FAM241A: variants seen among roughly 807,000 people sequenced by gnomAD.
FAM241A encodes the protein uncharacterized protein FAM241A.
In FAM241A, 7 loss-of-function variants were observed where a neutral mutation model predicts 12.2. The observed-to-expected ratio is 0.58, with a 90% CI of 0.33 to 1.08. The LOEUF is 1.08. Ranked by LOEUF, FAM241A falls within the 50% of genes least tolerant of loss-of-function variation. The pLI is 0.04. For synonymous variants in FAM241A, 74 were observed against 68.2 expected (o/e 1.08, Z -0.42); for missense variants, 161 against 169.7 (o/e 0.95, Z 0.29).
At chr4:112,145,962 G>T (rs796222010) in intron 1 of FAM241A, among the ~76,000 whole-genome samples, 60 of 152,126 alleles carry the variant, frequency 3.9e-4, no homozygotes, top group African/African-American at 1.3e-3. Context: ...CCGGGGTCGC[G>T]TGTCTGGCGG....
chr4:112,149,198 G>A (rs1392619659), intron 1 of FAM241A, among the ~76,000 whole-genome samples: 3 of 151,810 alleles, frequency 2.0e-5, no homozygotes, highest in Non-Finnish European at 4.4e-5. Flanking sequence ...TTGAGATAGG[G>A]TTTTGCTATG....
rs1338960116 is a variant in FAM241A, at chr4:112,194,586, T to C, written c.*7648T>C. On this transcript the variant is annotated 3_prime_UTR_variant, in exon 2 of 2. Transcript: ENST00000309733. ...GTTGTTGAATTTTGTCAAAGGCCTT[T>C]TCTGCATCTATTGAGATAATCATGT... The C allele has an allele frequency of 5.3e-5, 8 of 152,088 alleles. No homozygotes were observed. The allele number at this position is 152,088 out of a possible 1,614,324, so 9.4% of individuals were successfully genotyped here. A position where few individuals can be genotyped will look rare whatever the true frequency, so the allele number is the denominator to read the frequency against.
chr4:112,154,998 A>C (rs1723323607), intron 1 of FAM241A, among the ~76,000 whole-genome samples: 1 of 151,472 alleles, frequency 6.6e-6, no homozygotes, highest in Non-Finnish European at 1.5e-5. Context: ...CGCAAACTGC[A>C]CTCCAGCCTG....
At chr4:112,183,885 T>A (rs1395281891) in intron 1 of FAM241A, among the ~76,000 whole-genome samples, 4 of 152,008 alleles carry the variant, frequency 2.6e-5, no homozygotes, top group Admixed American at 6.6e-5. Context: ...AGGGTTTTTT[T>A]AAAATGTAGT....
intron 1 of FAM241A, among the ~76,000 whole-genome samples, chr4:112,162,649 G>A (rs1723499913): frequency 1.3e-5 from 2 of 152,158 alleles, no homozygotes; most frequent in East Asian, 1.9e-4. Context: ...ACTGCTCAAC[G>A]AAATAAAAGA....
chr4:112,178,451 A>G (rs1236126259), intron 1 of FAM241A, among the ~76,000 whole-genome samples: 2 of 152,176 alleles, frequency 1.3e-5, no homozygotes, highest in East Asian at 3.8e-4. Context: ...CCTCAACACC[A>G]TTAAATAGGG....
intron 1 of FAM241A, among the ~76,000 whole-genome samples, chr4:112,163,456 C>G (rs188942510): frequency 6.6e-6 from 1 of 152,056 alleles, no homozygotes; most frequent in Admixed American, 6.6e-5. Flanking sequence ...CTCAGACAAA[C>G]TTACAAGAAA....
chr4:112,163,365 A>G (rs1262040691), intron 1 of FAM241A, among the ~76,000 whole-genome samples: 1 of 152,228 alleles, frequency 6.6e-6, no homozygotes, highest in Non-Finnish European at 1.5e-5. Flanking sequence ...CATCAGAGTG[A>G]ACAGGCAACC....
intron 1 of FAM241A, among the ~76,000 whole-genome samples, chr4:112,160,292 C>T (rs1250102886): frequency 6.6e-6 from 1 of 151,608 alleles, no homozygotes; most frequent in African/African-American, 2.4e-5. Context: ...CCTGTAATCC[C>T]AGCTACTCGG....
At chr4:112,164,156 C>T (rs987771044) in intron 1 of FAM241A, among the ~76,000 whole-genome samples, 2 of 149,880 alleles carry the variant, frequency 1.3e-5, no homozygotes, top group Admixed American at 6.7e-5. Flanking sequence ...GGGGATATAC[C>T]TAATGTAAAT....
chr4:112,185,209 A>G (rs1309519123), intron 1 of FAM241A, among the ~76,000 whole-genome samples: 1 of 152,086 alleles, frequency 6.6e-6, no homozygotes, highest in African/African-American at 2.4e-5. Flanking sequence ...CACCTACATG[A>G]CAGTTTTTCT....
At chr4:112,157,326 T>C (rs925338677) in intron 1 of FAM241A, among the ~76,000 whole-genome samples, 3 of 152,132 alleles carry the variant, frequency 2.0e-5, no homozygotes, top group Non-Finnish European at 4.4e-5. Context: ...TTTGCATTGC[T>C]CTCAATTATC....
chr4:112,163,306 A>G (rs1723516082), intron 1 of FAM241A, among the ~76,000 whole-genome samples: 1 of 152,242 alleles, frequency 6.6e-6, no homozygotes, highest in African/African-American at 2.4e-5. Context: ...AAAATTGACA[A>G]ATGGGATCTA....
At chr4:112,149,176 C>T (rs1382018453) in intron 1 of FAM241A, among the ~76,000 whole-genome samples, 1 of 151,928 alleles carries the variant, frequency 6.6e-6, no homozygotes, top group African/African-American at 2.4e-5. Context: ...TGCATATATA[C>T]ACACTTTTTT....
chr4:112,178,022 G>C (rs1057365671), intron 1 of FAM241A, among the ~76,000 whole-genome samples: 1 of 152,156 alleles, frequency 6.6e-6, no homozygotes, highest in South Asian at 2.1e-4. Flanking sequence ...TCTATGATGG[G>C]CCAGGCATAG....
chr4:112,145,505 C>G lies in FAM241A; in HGVS notation c.-76C>G. On this transcript the variant is annotated 5_prime_UTR_variant, in exon 1 of 2. Coordinates refer to ENST00000309733, the MANE Select transcript of FAM241A (RefSeq NM_152400.3). ...GTGCGGCGGATCCCAGGGCAGCCTT[C>G]GGGCGGCGGCGCTGCCTGGTGCGTC... is the stretch of plus-strand genomic sequence containing the variant. 1 of 1,183,606 alleles carries G rather than the reference C, an allele frequency of 8.4e-7. No homozygotes were observed. The highest frequency in any genetic ancestry group is 4.2e-5 in the South Asian group (1 of 23,858). The allele number at this position is 1,183,606 out of a possible 1,614,324, so 73.3% of individuals were successfully genotyped here.
At chr4:112,179,458 A>G (rs1578378734) in intron 1 of FAM241A, among the ~76,000 whole-genome samples, 1 of 152,118 alleles carries the variant, frequency 6.6e-6, no homozygotes, top group Non-Finnish European at 1.5e-5. Context: ...TATCGCAAGG[A>G]CAAAAAACCA....
intron 1 of FAM241A, among the ~76,000 whole-genome samples, chr4:112,155,210 A>G (rs761058662): frequency 2.6e-4 from 40 of 152,084 alleles, no homozygotes; most frequent in Non-Finnish European, 5.3e-4. Flanking sequence ...CGTCTGTTAG[A>G]TATTACTGAA....
chr4:112,156,801 C>T lies in FAM241A; in HGVS notation c.153+11068C>T, dbSNP rs182202975. Among the ~76,000 whole-genome samples the T allele has an allele frequency of 3.3e-5, 5 of 152,286 alleles. No homozygotes were observed. In the East Asian group the frequency reaches 7.7e-4, roughly 23 times the overall value. On this transcript the variant is annotated intron_variant, in intron 1 of 1. Transcript: ENST00000309733. ...TTGAGCTTAAAAGATTTCTGTGAAA[C>T]ATCTGTAAAATTGTAGGCAAGGATT...
Sources: gnomAD v4.1 joint callset for allele counts (sites outside exome capture counted in the v4.1 genomes callset) on GRCh38, gnomAD v4.1.1 for gene constraint, MANE v1.5 for transcripts, NCBI Gene and HGNC (gene_info 2026-07-23, HGNC 2026-07-21) for gene names.